VWA8: variants seen among roughly 807,000 people sequenced by gnomAD.
VWA8 encodes the protein von Willebrand factor A domain containing 8, also known as von Willebrand factor A domain-containing protein 8.
VWA8 carries 221 observed loss-of-function variants against 241.5 expected under a neutral mutation model. That is an observed-to-expected ratio of 0.91 (90% confidence interval 0.82 to 1.02). The LOEUF is 1.02. Ranked by LOEUF, VWA8 falls within the 50% of genes least tolerant of loss-of-function variation. The pLI is 0.00. For missense variants in VWA8, 2,322 were observed against 2,328.7 expected (o/e 1.00, Z 0.06); for synonymous variants, 852 against 827.1 (o/e 1.03, Z -0.52).
In VWA8 at chr13:41,907,568, G is replaced by C. The variant is rs758172976; in HGVS notation, c.483+18C>G. 1.9e-6 allele frequency: 3 copies of C among 1,607,440 alleles called. No homozygotes were observed. Among genetic ancestry groups the C allele is most frequent in the Non-Finnish European group, 1.7e-6 (2 of 1,173,970 alleles). On this transcript the variant is annotated intron_variant, in intron 4 of 44. Transcript: ENST00000379310. ...ACCTGGAGTACACAGTCATGGGCTA[G>C]AGTGTGACAGAACTTGCCTGATCAA...
chr13:41,580,454 A>G (rs908338275), intron 42 of VWA8, among the ~76,000 whole-genome samples: 1 of 152,200 alleles, frequency 6.6e-6, no homozygotes, highest in Non-Finnish European at 1.5e-5. Context: ...TAACTTCTTG[A>G]TAGAAGAAAT....
intron 2 of VWA8, among the ~76,000 whole-genome samples, chr13:41,923,865 T>G (rs748886406): frequency 2.6e-5 from 4 of 151,160 alleles, no homozygotes; most frequent in Non-Finnish European, 5.9e-5. Context: ...CCAACCAATA[T>G]CTTCAGGCCC....
chr13:41,869,863 T>C (rs73185323), intron 9 of VWA8, among the ~76,000 whole-genome samples: 1,887 of 152,222 alleles, frequency 0.012, 13 homozygotes, highest in East Asian at 0.021. Context: ...ATTTTTACTA[T>C]TAAATAGGCA....
rs1462060201 is a variant in VWA8, at chr13:41,611,659, C to G, written c.4794G>C (p.Gln1598His). 5.0e-6 allele frequency: 8 copies of G among 1,614,104 alleles called. No individual in the cohort carries two copies. Among genetic ancestry groups the G allele is most frequent in the Non-Finnish European group, 6.8e-6 (8 of 1,179,978 alleles). ...YRLDAGHTVY[Q>H]VSQAEKDAVP... ...CTGCATCTTTCTCAGCCTGAGAGAC[C>G]TGGTACACCGTATGGCCTGCATCCA... is the stretch of plus-strand genomic sequence containing the variant. The change falls in exon 39 of 45, where the codon CAG (glutamine) becomes CAC (histidine). Residue 1598 changes from glutamine to histidine, a missense_variant. By Grantham distance (24) the Gln-to-His change is conservative. Coordinates refer to ENST00000379310, the MANE Select transcript of VWA8 (RefSeq NM_015058.2).
chr13:41,576,593 T>A (rs2044351833), intron 42 of VWA8, among the ~76,000 whole-genome samples: 1 of 152,178 alleles, frequency 6.6e-6, no homozygotes, highest in Admixed American at 6.5e-5. Context: ...TATGCTGAAC[T>A]TGTGTCCTGG....
intron 19 of VWA8, among the ~76,000 whole-genome samples, chr13:41,783,574 G>T (rs1868993883): frequency 6.6e-6 from 1 of 151,168 alleles, no homozygotes; most frequent in Non-Finnish European, 1.5e-5. Flanking sequence ...GGAGGTGGAG[G>T]TTGCAGTGAG....
chr13:41,577,164 T>G (rs2044355606), intron 42 of VWA8, among the ~76,000 whole-genome samples: 1 of 152,198 alleles, frequency 6.6e-6, no homozygotes, highest in Non-Finnish European at 1.5e-5. Flanking sequence ...TTAAAGGCCC[T>G]TTGGCCCCAT....
intron 17 of VWA8, 138 bp from the exon 18 acceptor site, chr13:41,787,681 G>T: frequency 1.7e-6 from 1 of 596,658 alleles, no homozygotes; most frequent in South Asian, 2.2e-5. Flanking sequence ...GTCTGGATCT[G>T]TAAAATCTAA....
chr13:41,703,308 T>G lies in VWA8; in HGVS notation c.3220A>C (p.Ile1074Leu). 1 of 1,613,198 alleles carries G rather than the reference T, an allele frequency of 6.2e-7. No individual in the cohort carries two copies. Among genetic ancestry groups the G allele is most frequent in the Middle Eastern group, 1.7e-4 (1 of 6,060 alleles). The part of the protein sequence containing the change: ...LCPVETHHID[I>L]KGPALINIQE... ...AGAATAATGATGATATCAACCTTTA[T>G]GTCTATATGATGAGTTTCCACTGGA... Residue 1074 changes from isoleucine (I) to leucine (L), a missense_variant, in exon 27 of 45, where the codon ATA (isoleucine) becomes CTA (leucine). By Grantham distance (5) the Ile-to-Leu change is conservative. Transcript: ENST00000379310.
intron 19 of VWA8, among the ~76,000 whole-genome samples, chr13:41,782,031 T>C (rs887840497): frequency 7.9e-5 from 12 of 152,206 alleles, no homozygotes; most frequent in African/African-American, 2.2e-4. Flanking sequence ...AGTAATAATA[T>C]ACACAATGGA....
At chr13:41,670,755 C>T (rs1327311147) in intron 37 of VWA8, among the ~76,000 whole-genome samples, 191 bp downstream of exon 37, 1 of 152,120 alleles carries the variant, frequency 6.6e-6, no homozygotes, top group Non-Finnish European at 1.5e-5. Context: ...AAAAAAGGCA[C>T]ATTTTTACTT....
In VWA8 at chr13:41,891,597, A is replaced by G. The variant is rs572513705; in HGVS notation, c.484-10T>C. On this transcript the variant is annotated splice_polypyrimidine_tract_variant and intron_variant, in intron 4 of 44. Coordinates refer to ENST00000379310, the MANE Select transcript of VWA8 (RefSeq NM_015058.2). ...CTGCACGAACTGCACACTATTTCCA[A>G]GAAACGTAAAAGCAAAATGAGAATA... 7 of 1,613,632 alleles carry G rather than the reference A, an allele frequency of 4.3e-6. No homozygotes were observed. In the South Asian group the frequency reaches 6.6e-5, roughly 15 times the overall value.
At position 41,661,046 on chromosome 13, in the gene VWA8, A is replaced by G. The variant is rs189896046; in HGVS notation, c.4611+9900T>C. Reference sequence around the variant, plus strand: ...ACACCCAGCTAATTTTTGAATTTTTAGTAGAGACGGGGTTTCACCATGTTG... The same window carrying G: ...ACACCCAGCTAATTTTTGAATTTTTGGTAGAGACGGGGTTTCACCATGTTG... On this transcript the variant is annotated intron_variant, in intron 37 of 44. Coordinates refer to ENST00000379310, the MANE Select transcript of VWA8 (RefSeq NM_015058.2). Among the ~76,000 whole-genome samples the G allele has an allele frequency of 4.5e-3, 679 of 152,162 alleles. 4 individuals carry two copies. Among genetic ancestry groups the G allele is most frequent in the African/African-American group, 0.015 (624 of 41,526 alleles).
chr13:41,875,229 C>T (rs1214701209), intron 9 of VWA8, among the ~76,000 whole-genome samples: 1 of 152,046 alleles, frequency 6.6e-6, no homozygotes, highest in African/African-American at 2.4e-5. Context: ...CTTACTATGT[C>T]ATATTATGGC....
chr13:41,652,779 TCATTTGATAGC>T (rs893309614), intron 37 of VWA8, among the ~76,000 whole-genome samples: 2 of 152,218 alleles, frequency 1.3e-5, no homozygotes, highest in Non-Finnish European at 2.9e-5. Flanking sequence ...TAAAAGCCTT[TCATTTGATAGC>T]CAAAAGATCT....
intron 21 of VWA8, among the ~76,000 whole-genome samples, chr13:41,734,517 T>C (rs1309093722): frequency 6.6e-6 from 1 of 152,140 alleles, no homozygotes; most frequent in Non-Finnish European, 1.5e-5. Context: ...CCCATCAGAG[T>C]CCTCATTTAC....
intron 24 of VWA8, among the ~76,000 whole-genome samples, chr13:41,722,693 G>C (rs751614110): frequency 1.3e-5 from 2 of 152,108 alleles, no homozygotes; most frequent in Admixed American, 6.6e-5. Context: ...TGGTGATGCT[G>C]GGGGAGGTCA....
At chr13:41,660,915 T>G (rs1207179715) in intron 37 of VWA8, among the ~76,000 whole-genome samples, 2 of 151,970 alleles carry the variant, frequency 1.3e-5, no homozygotes, top group Non-Finnish European at 2.9e-5. Flanking sequence ...CTCGCTCTAT[T>G]GCCAGGTTGG....
intron 2 of VWA8, among the ~76,000 whole-genome samples, chr13:41,930,234 C>T (rs887764069): frequency 6.6e-6 from 1 of 152,086 alleles, no homozygotes; most frequent in African/African-American, 2.4e-5. Context: ...AGATAAATGT[C>T]GGCAAGGGTG....
Sources: gnomAD v4.1 joint callset for allele counts (sites outside exome capture counted in the v4.1 genomes callset) on GRCh38, gnomAD v4.1.1 for gene constraint, MANE v1.5 for transcripts, NCBI Gene and HGNC (gene_info 2026-07-23, HGNC 2026-07-21) for gene names.